Variants in SLC25A33 observed in about 807,000 individuals in gnomAD.
The protein encoded by SLC25A33 is bone marrow stromal cell mitochondrial carrier protein.
In SLC25A33, 15 loss-of-function variants were observed where a neutral mutation model predicts 35.5. The ratio of observed to expected loss-of-function variants is 0.42; its 90% CI spans 0.28 to 0.65. The LOEUF (loss-of-function observed/expected upper bound fraction) is 0.65. SLC25A33 is among the 30% of genes least tolerant of loss of function. The probability of loss-of-function intolerance (pLI) is 0.20; values close to 1 mark genes in which losing one functional copy is unlikely to be tolerated. For synonymous variants in SLC25A33, 136 were observed against 148.7 expected, an observed-to-expected ratio of 0.91 and a Z score of 0.62; for missense variants, 257 against 398.5, an observed-to-expected ratio of 0.64 and a Z score of 3.02.
intron 2 of SLC25A33, among the ~76,000 whole-genome samples, chr1:9,554,738 T>C (rs749932681): frequency 2.0e-5 from 3 of 152,220 alleles, no homozygotes; most frequent in Non-Finnish European, 2.9e-5. Context: ...AAATTTGTTT[T>C]ATACCTGAGC....
intron 5 of SLC25A33, among the ~76,000 whole-genome samples, chr1:9,579,282 C>A (rs1270655864): frequency 6.6e-6 from 1 of 152,150 alleles, no homozygotes; most frequent in Admixed American, 6.5e-5. Context: ...CAGGAGACAG[C>A]CCCACAGATT....
chr1:9,550,894 T>G (rs1342958576), intron 1 of SLC25A33, among the ~76,000 whole-genome samples: 2 of 151,064 alleles, frequency 1.3e-5, no homozygotes, highest in Non-Finnish European at 2.9e-5. Context: ...GCCAGGCTGG[T>G]CTCCAACTCC....
chr1:9,575,212 C>CAAAAA (rs909942057), intron 5 of SLC25A33, among the ~76,000 whole-genome samples: 1 of 58,728 alleles, frequency 1.7e-5, no homozygotes, highest in South Asian at 6.1e-4. Flanking sequence ...GACTCTGGCT[C>CAAAAA]AAAAAAAAAA....
At chr1:9,545,500 C>T (rs1415732272) in intron 1 of SLC25A33, among the ~76,000 whole-genome samples, 1 of 151,984 alleles carries the variant, frequency 6.6e-6, no homozygotes, top group Non-Finnish European at 1.5e-5. Flanking sequence ...CGAGTTCAAG[C>T]GATTCTCCTG....
intron 1 of SLC25A33, among the ~76,000 whole-genome samples, chr1:9,546,272 T>C (rs1015199799): frequency 7.2e-5 from 10 of 138,758 alleles, no homozygotes; most frequent in African/African-American, 2.4e-4. Flanking sequence ...GCAAACTCCA[T>C]CTCCCGGGTT....
At chr1:9,559,527 C>G (rs1643390612) in intron 2 of SLC25A33, among the ~76,000 whole-genome samples, 1 of 149,680 alleles carries the variant, frequency 6.7e-6, no homozygotes, top group African/African-American at 2.5e-5. Context: ...TCTTTTATCT[C>G]TTAATAGAGG....
Position 9,579,941 on chromosome 1 carries a change from C to T in SLC25A33, c.483-13C>T, listed in dbSNP as rs771228623. On this transcript the variant is annotated splice_polypyrimidine_tract_variant and intron_variant, in intron 5 of 6. Transcript: ENST00000302692. ...TGTCTCCTTAACAGCCTGTGTTGGT[C>T]TCTTTTATGCAGAGTGAGGGGCTCT... The T allele has an allele frequency of 1.9e-6, 3 of 1,603,546 alleles. No individual in the cohort carries two copies. The highest frequency in any genetic ancestry group is 2.6e-6 in the Non-Finnish European group (3 of 1,175,552).
chr1:9,549,872 C>T (rs939924958), intron 1 of SLC25A33, among the ~76,000 whole-genome samples: 1 of 148,952 alleles, frequency 6.7e-6, no homozygotes, highest in African/African-American at 2.5e-5. Flanking sequence ...ATCTGCCCAC[C>T]TCAGCCTCCC....
chr1:9,555,211 G>A (rs918852451), intron 2 of SLC25A33, among the ~76,000 whole-genome samples: 2 of 147,162 alleles, frequency 1.4e-5, no homozygotes, highest in Non-Finnish European at 3.0e-5. Flanking sequence ...TCCGCCTCCT[G>A]GGTTCACGCC....
chr1:9,544,317 G>A (rs114632142), intron 1 of SLC25A33, among the ~76,000 whole-genome samples: 1 of 149,316 alleles, frequency 6.7e-6, no homozygotes, highest in African/African-American at 2.5e-5. Flanking sequence ...AGCCCAGGCT[G>A]GAGTGCAGTG....
At chr1:9,553,325 C>T (rs1164136824) in intron 1 of SLC25A33, among the ~76,000 whole-genome samples, 3 of 143,586 alleles carry the variant, frequency 2.1e-5, no homozygotes, top group African/African-American at 5.1e-5. Flanking sequence ...CCTGGGTTCA[C>T]GCCATTCTCC....
intron 5 of SLC25A33, chr1:9,576,540 C>T: frequency 1.8e-6 from 1 of 542,220 alleles, no homozygotes; most frequent in East Asian, 4.8e-5. Context: ...AGAGGGACTT[C>T]AGTCACATCA....
At chr1:9,541,142 G>A (rs902611798) in intron 1 of SLC25A33, among the ~76,000 whole-genome samples, 3 of 149,392 alleles carry the variant, frequency 2.0e-5, no homozygotes, top group South Asian at 4.3e-4. Flanking sequence ...CACCAAGCCT[G>A]GCTAATTTTT....
At chr1:9,562,660 A>T (rs1046858444) in intron 2 of SLC25A33, among the ~76,000 whole-genome samples, 7 of 152,000 alleles carry the variant, frequency 4.6e-5, no homozygotes, top group African/African-American at 1.7e-4. Flanking sequence ...TTCGAAACCA[A>T]CCTGACCAAC....
chr1:9,553,041 A>G (rs545589180), intron 1 of SLC25A33, among the ~76,000 whole-genome samples: 2 of 146,090 alleles, frequency 1.4e-5, no homozygotes, highest in African/African-American at 2.5e-5. Context: ...ACAGGCATGC[A>G]CCACCATGCC....
chr1:9,581,442 T>C (rs1358670798), intron 6 of SLC25A33, among the ~76,000 whole-genome samples: 1 of 152,176 alleles, frequency 6.6e-6, no homozygotes, highest in Admixed American at 6.5e-5. Flanking sequence ...AAACTAAGCT[T>C]TTTTTAACCC....
intron 2 of SLC25A33, among the ~76,000 whole-genome samples, chr1:9,557,164 C>G (rs1357502054): frequency 6.6e-6 from 1 of 152,226 alleles, no homozygotes; most frequent in Non-Finnish European, 1.5e-5. Context: ...AACTCCCAAC[C>G]TCAGGTGATC....
At chr1:9,576,510 T>C in intron 5 of SLC25A33, 1 of 516,336 alleles carries the variant, frequency 1.9e-6, no homozygotes, top group Non-Finnish European at 3.8e-6. Flanking sequence ...TTACTGTGAA[T>C]GGCCCCAGAG....
intron 1 of SLC25A33, among the ~76,000 whole-genome samples, chr1:9,541,516 T>A (rs1264007774): frequency 2.0e-5 from 3 of 152,072 alleles, no homozygotes; most frequent in Non-Finnish European, 4.4e-5. Context: ...AGGCTGGCAC[T>A]CCTGACCTCA....
Sources: gnomAD v4.1 joint callset for allele counts (sites outside exome capture counted in the v4.1 genomes callset) on GRCh38, gnomAD v4.1.1 for gene constraint, MANE v1.5 for transcripts, NCBI Gene and HGNC (gene_info 2026-07-23, HGNC 2026-07-21) for gene names.